MTRR: variants seen among roughly 807,000 people sequenced by gnomAD.
MTRR encodes the protein 5-methyltetrahydrofolate-homocysteine methyltransferase reductase.
Under a neutral mutation model 79.2 loss-of-function variants are expected in MTRR, and 63 were observed. That is an observed-to-expected ratio of 0.80 (90% confidence interval 0.65 to 0.98). The LOEUF (loss-of-function observed/expected upper bound fraction) is 0.98. MTRR is among the 50% of genes least tolerant of loss of function. The pLI is 0.00. For missense variants in MTRR, 895 were observed against 839.6 expected (o/e 1.07, Z -0.82); for synonymous variants, 355 against 313.3 (o/e 1.13, Z -1.41).
At chr5:7,898,384 C>G (rs1376797304) in intron 14 of MTRR, among the ~76,000 whole-genome samples, 1 of 151,750 alleles carries the variant, frequency 6.6e-6, no homozygotes, top group African/African-American at 2.4e-5. Context: ...AATGTCCAGA[C>G]TCCTAAAACA....
chr5:7,897,580 G>T (rs1245234158), intron 14 of MTRR, among the ~76,000 whole-genome samples: 2 of 152,142 alleles, frequency 1.3e-5, no homozygotes, highest in South Asian at 2.1e-4. Context: ...TTATATATAA[G>T]AATAGGTGAT....
chr5:7,868,848 C>T, upstream of MTRR: 1 of 533,084 alleles, frequency 1.9e-6, no homozygotes. Context: ...GCGGGGCGAG[C>T]ACCCCCAAAC....
At chr5:7,868,935 A>AC (rs1455280688), upstream of MTRR, 3 of 667,142 alleles carry the variant, frequency 4.5e-6, no homozygotes, top group East Asian at 8.2e-5. Context: ...GGTCTTTGAC[A>AC]CCCAGCCGGA....
At chr5:7,863,682 C>T (rs1206864919) in intron 2 of MTRR, among the ~76,000 whole-genome samples, 2 of 152,052 alleles carry the variant, frequency 1.3e-5, no homozygotes, top group African/African-American at 2.4e-5. Flanking sequence ...ATATAATAAA[C>T]GATGCTGGAG....
intron 1 of MTRR, among the ~76,000 whole-genome samples, chr5:7,855,595 A>G (rs574281329): frequency 1.1e-4 from 17 of 152,114 alleles, no homozygotes; most frequent in Admixed American, 2.6e-4. Flanking sequence ...GCCTCAAGTA[A>G]TCCTCCTGCC....
At chr5:7,868,898 G>A (rs1339291296), upstream of MTRR, 1 of 589,044 alleles carries the variant, frequency 1.7e-6, no homozygotes. Context: ...CGGGCCGGGC[G>A]GCGCAGCCTG....
rs1737143719 is a variant in MTRR, at chr5:7,889,250, C to T, written c.1302C>T (p.Cys434=). 6.2e-7 allele frequency: 1 copy of T among 1,612,962 alleles called. No homozygotes were observed. Among genetic ancestry groups the T allele is most frequent in the East Asian group, 2.2e-5 (1 of 44,886 alleles). ...ATCTCCTCCTCGCTTTCCCTTCTTGCCAGCCACCACTCAGTCTCCTGCTCG... is the reference window on the plus strand; with the variant it reads ...ATCTCCTCCTCGCTTTCCCTTCTTGTCAGCCACCACTCAGTCTCCTGCTCG... ...LLDLLLAFPS[C]QPPLSLLLEH... is the part of the protein sequence containing the mutation. Residue 434 remains cysteine, a synonymous_variant, in exon 9 of 15, where the codon TGC becomes TGT. Coordinates refer to ENST00000440940, the MANE Select transcript of MTRR (RefSeq NM_002454.3).
At position 7,875,351 on chromosome 5, in the gene MTRR, CTG is replaced by C. The variant is rs1240539667; in HGVS notation, c.378_379del (p.Gly127ThrfsTer4). 6.2e-7 allele frequency: 1 copy of C among 1,612,842 alleles called. No homozygotes were observed. Among genetic ancestry groups the C allele is most frequent in the Middle Eastern group, 1.7e-4 (1 of 6,060 alleles). ...CTTGGAGCCCGGCATTTCTATGACA[CTG>C]GACATGCAGATGACTGTGTAGGGTA... On this transcript the variant is annotated frameshift_variant, in exon 4 of 15. Transcript: ENST00000440940. LOFTEE classifies it high-confidence loss of function.
rs562995626 is a variant in MTRR at position 7,881,755 on chromosome 5, AT to A, written c.781-1392del. ...GTGATTTGTCCTTTAAGCTTTTTGC[AT>A]TTTTTTTCAAGTGCGAGTGAATTTT... On this transcript the variant is annotated intron_variant, in intron 5 of 14. Transcript: ENST00000440940. Among the ~76,000 whole-genome samples the A allele has an allele frequency of 1.1e-3, 172 of 150,726 alleles. 6 individuals carry two copies. The South Asian group carries it at 0.036, about 31-fold the overall frequency.
At chr5:7,897,946 C>A (rs1738819743) in intron 14 of MTRR, among the ~76,000 whole-genome samples, 1 of 151,606 alleles carries the variant, frequency 6.6e-6, no homozygotes, top group African/African-American at 2.4e-5. Flanking sequence ...ATGTAGAAGA[C>A]AAAATACTGG....
intron 5 of MTRR, among the ~76,000 whole-genome samples, chr5:7,879,946 C>G (rs1186164238): frequency 6.6e-6 from 1 of 152,218 alleles, no homozygotes; most frequent in Non-Finnish European, 1.5e-5. Context: ...ATTTGGGTCT[C>G]AGCAGTCCTC....
In MTRR at chr5:7,854,936, C is replaced by A. The variant is rs1037916893; in HGVS notation, n.391+3351C>A. Among the ~76,000 whole-genome samples, 25 of 152,338 alleles carry A rather than the reference C, an allele frequency of 1.6e-4. 1 individual carries two copies. The highest frequency in any genetic ancestry group is 5.5e-4 in the African/African-American group (23 of 41,584). On this transcript the variant is annotated intron_variant and non_coding_transcript_variant, in intron 1 of 3. Coordinates refer to the MTRR transcript ENST00000502509. ...TCTGCCTGCTTTTATATTCTGGCATCATTCCCAAGGCATTCAAGCCAAATT... is the reference window on the plus strand; with the variant it reads ...TCTGCCTGCTTTTATATTCTGGCATAATTCCCAAGGCATTCAAGCCAAATT...
At chr5:7,867,822 C>T (rs1747123166), upstream of MTRR, 4 of 1,614,146 alleles carry the variant, frequency 2.5e-6, no homozygotes, top group Non-Finnish European at 3.4e-6. Flanking sequence ...TCAAGCCTGT[C>T]GCAGTCAGAT....
chr5:7,897,306 G>C, intron 14 of MTRR, 59 bp downstream of exon 14: 1 of 1,554,488 alleles, frequency 6.4e-7, no homozygotes, highest in Non-Finnish European at 8.9e-7. Flanking sequence ...GTCTGTAGAA[G>C]AAAAAAAGGA....
Position 7,895,819 on chromosome 5 carries a change from G to A in MTRR, c.1643G>A (p.Gly548Asp), listed in dbSNP as rs867429250. Residue 548 changes from glycine (G) to aspartate (D), a missense_variant, in exon 12 of 15, where the codon GGC (glycine) becomes GAC (aspartate). Coordinates refer to ENST00000440940, the MANE Select transcript of MTRR (RefSeq NM_002454.3). ...IPIIMVGPGT[G>D]IAPFIGFLQH... ...ATCATAATGGTGGGTCCAGGAACCG[G>A]CATAGCCCCGTTTATTGGGTTCCTA... The A allele has an allele frequency of 6.2e-7, 1 of 1,613,966 alleles. No individual in the cohort carries two copies. Among genetic ancestry groups the A allele is most frequent in the East Asian group, 2.2e-5 (1 of 44,876 alleles).
Position 7,900,634 on chromosome 5 carries a change from G to C in MTRR, c.*576G>C, listed in dbSNP as rs958853891. The C allele has an allele frequency of 2.0e-5, 3 of 152,730 alleles. No homozygotes were observed. Among genetic ancestry groups the C allele is most frequent in the African/African-American group, 7.2e-5 (3 of 41,392 alleles). 9.5% of individuals were successfully genotyped at this position (152,730 alleles called of 1,614,324 possible). On this transcript the variant is annotated 3_prime_UTR_variant, in exon 15 of 15. Coordinates refer to ENST00000440940, the MANE Select transcript of MTRR (RefSeq NM_002454.3). ...ATTTTAGGATAATTGCCTACAGAGG[G>C]ATTTATTTTTATGATGCTGGAAATA...
At position 7,878,128 on chromosome 5, in the gene MTRR, T is replaced by G. The variant is rs1211098985; in HGVS notation, c.586T>G (p.Phe196Val). 1 of 1,614,062 alleles carries G rather than the reference T, an allele frequency of 6.2e-7. No individual in the cohort carries two copies. Among genetic ancestry groups the G allele is most frequent in the East Asian group, 2.2e-5 (1 of 44,854 alleles). The change falls in exon 5 of 15, where the codon TTC (phenylalanine) becomes GTC (valine). Residue 196 changes from phenylalanine to valine, a missense_variant. By Grantham distance (50) the Phe-to-Val change is conservative. Coordinates refer to ENST00000440940, the MANE Select transcript of MTRR (RefSeq NM_002454.3). ...TGAATCTCAAGTCGAGCTTCTGAGATTCGATGATTCAGGAAGAAAGGATTC... is the reference window on the plus strand; with the variant it reads ...TGAATCTCAAGTCGAGCTTCTGAGAGTCGATGATTCAGGAAGAAAGGATTC... ...HIESQVELLR[F>V]DDSGRKDSEV...
intron 2 of MTRR, 73 bp from the exon 3 acceptor site, chr5:7,873,300 A>T: frequency 1.3e-6 from 2 of 1,576,782 alleles, no homozygotes; most frequent in South Asian, 2.2e-5. Flanking sequence ...AACTAAGCTG[A>T]TTGCTTTGCT....
At chr5:7,889,398 A>T in intron 9 of MTRR, 123 bp downstream of exon 9, 1 of 1,007,836 alleles carries the variant, frequency 9.9e-7, no homozygotes, top group Non-Finnish European at 1.5e-6. Flanking sequence ...CCTAAAGAAT[A>T]TATCTAAATG....
Sources: allele counts gnomAD v4.1 joint callset (sites outside exome capture counted in the v4.1 genomes callset), GRCh38; gene constraint gnomAD v4.1.1; transcripts MANE v1.5; gene names NCBI Gene and HGNC (gene_info 2026-07-23, HGNC 2026-07-21).